Variants in TFG observed in about 807,000 individuals in gnomAD.
The protein encoded by TFG is protein TFG.
Under a neutral mutation model 51.4 loss-of-function variants are expected in TFG, and 22 were observed. That is an observed-to-expected ratio of 0.43 (90% confidence interval 0.31 to 0.61). The LOEUF (loss-of-function observed/expected upper bound fraction) is 0.61, where lower values mean the gene tolerates loss of function less well. Among genes scored for constraint, TFG ranks in the 20% least tolerant of loss-of-function variants. The pLI, the probability that TFG is intolerant of heterozygous loss-of-function variation, is 0.12. For missense variants in TFG, 419 were observed against 487.7 expected (o/e 0.86, Z 1.33); for synonymous variants, 187 against 165.6 (o/e 1.13, Z -0.99).
At chr3:100,710,222 C>G (rs1186029219) in intron 1 of TFG, 1 of 152,194 alleles carries the variant, frequency 6.6e-6, no homozygotes, top group Non-Finnish European at 1.5e-5. Context: ...TAATCAAGCG[C>G]CGGCTGGAGG....
At chr3:100,745,473 GT>G (rs2095132440) in intron 7 of TFG, among the ~76,000 whole-genome samples, 1 of 152,048 alleles carries the variant, frequency 6.6e-6, no homozygotes, top group South Asian at 2.1e-4. Flanking sequence ...TAAGAACATT[GT>G]TTAGTTGTTT....
intron 7 of TFG, among the ~76,000 whole-genome samples, chr3:100,747,902 A>T (rs1289496082): frequency 6.6e-6 from 1 of 152,132 alleles, no homozygotes; most frequent in Non-Finnish European, 1.5e-5. Context: ...CTGTTCTAGG[A>T]ATTATGCTAT....
intron 5 of TFG, 30 bp from the exon 6 acceptor site, chr3:100,736,546 T>C (rs1278974082): frequency 1.9e-6 from 3 of 1,611,984 alleles, no homozygotes; most frequent in South Asian, 2.2e-5. Flanking sequence ...TTGTGTTGGA[T>C]ACTAAACTGA....
chr3:100,748,627 T>C lies in TFG; in HGVS notation c.*96T>C, dbSNP rs2095157705. On this transcript the variant is annotated 3_prime_UTR_variant, in exon 8 of 8. Transcript: ENST00000240851. ...ATTTGTATTGAAGAAGTTCAGAAAT[T>C]TAAAAGCAGAGCATTTTTTATGATA... The C allele has an allele frequency of 1.5e-6, 2 of 1,312,674 alleles. No individual in the cohort carries two copies. The highest frequency in any genetic ancestry group is 4.9e-5 in the East Asian group (2 of 40,868). 81.3% of individuals were successfully genotyped at this position (1,312,674 alleles called of 1,614,324 possible). A position where few individuals can be genotyped will look rare whatever the true frequency, so the allele number is the denominator to read the frequency against.
intron 2 of TFG, among the ~76,000 whole-genome samples, chr3:100,715,667 A>G (rs1252667731): frequency 6.6e-6 from 1 of 152,136 alleles, no homozygotes; most frequent in East Asian, 1.9e-4. Context: ...TCTTATGCTT[A>G]TCATACATTG....
At chr3:100,719,345 C>A (rs1456880341) in intron 2 of TFG, among the ~76,000 whole-genome samples, 1 of 152,160 alleles carries the variant, frequency 6.6e-6, no homozygotes, top group African/African-American at 2.4e-5. Flanking sequence ...CCTTTGAAAG[C>A]TTTTGAGACA....
intron 2 of TFG, among the ~76,000 whole-genome samples, chr3:100,716,854 G>T (rs1219724493): frequency 6.6e-6 from 1 of 152,030 alleles, no homozygotes; most frequent in African/African-American, 2.4e-5. Context: ...TTTGAGAAAT[G>T]TCTGTTCAGA....
At chr3:100,715,179 C>G (rs1280066870) in intron 2 of TFG, among the ~76,000 whole-genome samples, 1 of 152,180 alleles carries the variant, frequency 6.6e-6, no homozygotes. Flanking sequence ...GTAATGCCAG[C>G]AGATATAATA....
Position 100,732,526 on chromosome 3 carries a change from A to G in TFG, c.434A>G (p.Glu145Gly), listed in dbSNP as rs776659928. The change falls in exon 5 of 8, where the codon GAA (glutamate) becomes GGA (glycine). Residue 145 changes from glutamate (E) to glycine (G), a missense_variant. By Grantham distance (98) the Glu-to-Gly change is moderately conservative. Around this residue, in one of 3 missense-constraint regions of TFG, gnomAD observed 391 missense variants for 434.4 expected, o/e 0.90. Transcript: ENST00000240851. The stretch of plus-strand genomic sequence containing the variant: ...TTTACAGATACTGTGGATGGTAGGG[A>G]AGAAAAGTCTGCTTCTGATTCTTCT... ...IPENDTVDGR[E>G]EKSASDSSGK... is the part of the protein sequence containing the mutation. 6.2e-7 allele frequency: 1 copy of G among 1,611,004 alleles called. No individual in the cohort carries two copies. The highest frequency in any genetic ancestry group is 2.2e-5 in the East Asian group (1 of 44,742).
At chr3:100,723,623 A>G (rs189400604) in intron 3 of TFG, among the ~76,000 whole-genome samples, 5 of 152,310 alleles carry the variant, frequency 3.3e-5, no homozygotes, top group South Asian at 4.1e-4. Flanking sequence ...TTGAGTAGTA[A>G]TAGTCACTTT....
chr3:100,728,741 A>G lies in TFG; in HGVS notation c.298A>G (p.Ser100Gly). ...VNGQPRPLES[S>G]QVKYLRRELI... is the part of the protein sequence containing the mutation. Reference sequence around the variant, plus strand: ...TGGCCAGCCAAGACCCCTTGAATCAAGTCAGGTGAAATATCTCCGTCGAGA... The same window carrying G: ...TGGCCAGCCAAGACCCCTTGAATCAGGTCAGGTGAAATATCTCCGTCGAGA... The change falls in exon 4 of 8, where the codon AGT becomes GGT. Residue 100 changes from serine (S) to glycine (G), a missense_variant. Ser to Gly is a moderately conservative substitution (Grantham distance 56, BLOSUM62 0). Transcript: ENST00000240851. 6.2e-7 allele frequency: 1 copy of G among 1,611,304 alleles called. No individual in the cohort carries two copies. Among genetic ancestry groups the G allele is most frequent in the Non-Finnish European group, 8.5e-7 (1 of 1,178,854 alleles).
intron 1 of TFG, chr3:100,710,401 C>G (rs2095027259): frequency 6.6e-6 from 1 of 152,234 alleles, no homozygotes; most frequent in Non-Finnish European, 1.5e-5. Context: ...CCTTGGAGGA[C>G]TTAAGATCAC....
intron 3 of TFG, among the ~76,000 whole-genome samples, chr3:100,726,350 C>A (rs2095075762): frequency 6.6e-6 from 1 of 152,204 alleles, no homozygotes. Context: ...TGCCCACCAA[C>A]ACTGAAGATG....
At chr3:100,735,875 G>A (rs778479554) in intron 5 of TFG, among the ~76,000 whole-genome samples, 17 of 149,646 alleles carry the variant, frequency 1.1e-4, no homozygotes, top group Non-Finnish European at 2.4e-4. Flanking sequence ...AAGAGGGAAA[G>A]TGAGAGCTAT....
chr3:100,742,849 A>G (rs2095124934), intron 6 of TFG: 1 of 151,860 alleles, frequency 6.6e-6, no homozygotes, highest in East Asian at 1.9e-4. Context: ...AACTCTAGGG[A>G]TGTTTTTCAA....
At chr3:100,710,381 T>G (rs2095027191) in intron 1 of TFG, 1 of 152,274 alleles carries the variant, frequency 6.6e-6, no homozygotes, top group South Asian at 2.1e-4. Context: ...TCGAATGTGA[T>G]GAAAGTGAGC....
intron 6 of TFG, among the ~76,000 whole-genome samples, chr3:100,739,547 A>G (rs1559720731): frequency 6.6e-6 from 1 of 152,202 alleles, no homozygotes; most frequent in Non-Finnish European, 1.5e-5. Context: ...GACAGCCTAA[A>G]AAAATGAAAA....
intron 2 of TFG, among the ~76,000 whole-genome samples, chr3:100,715,804 T>G (rs971911319): frequency 7.2e-5 from 11 of 151,984 alleles, no homozygotes; most frequent in African/African-American, 2.7e-4. Flanking sequence ...CATCATAACC[T>G]TTAACTCCTG....
Position 100,748,231 on chromosome 3 carries a change from T to C in TFG, c.903T>C (p.Ala301=). 1 of 1,614,088 alleles carries C rather than the reference T, an allele frequency of 6.2e-7. No homozygotes were observed. Among genetic ancestry groups the C allele is most frequent in the Non-Finnish European group, 8.5e-7 (1 of 1,179,978 alleles). Residue 301 remains alanine, a synonymous_variant, in exon 8 of 8, where the codon GCT becomes GCC. Coordinates refer to ENST00000240851, the MANE Select transcript of TFG (RefSeq NM_006070.6). ...YGQQPTSQAP[A]PAFSGQPQQL... is the part of the protein sequence containing the mutation. Reference sequence around the variant, plus strand: ...AGCAACCAACTTCCCAGGCACCAGCTCCTGCCTTTTCTGGTCAGCCTCAAC... The same window carrying C: ...AGCAACCAACTTCCCAGGCACCAGCCCCTGCCTTTTCTGGTCAGCCTCAAC...
Sources: allele counts gnomAD v4.1 joint callset (sites outside exome capture counted in the v4.1 genomes callset), GRCh38; gene constraint gnomAD v4.1.1; regional missense constraint gnomAD v4.1.1; transcripts MANE v1.5; gene names NCBI Gene and HGNC (gene_info 2026-07-23, HGNC 2026-07-21).